USP10: variants seen among roughly 807,000 people sequenced by gnomAD.
USP10 encodes ubiquitin carboxyl-terminal hydrolase 10.
Under a neutral mutation model 84.5 loss-of-function variants are expected in USP10, and 22 were observed. The observed-to-expected ratio is 0.26, with a 90% CI of 0.19 to 0.37. The LOEUF (loss-of-function observed/expected upper bound fraction) is 0.37, where lower values mean the gene tolerates loss of function less well. USP10 is among the 10% of genes least tolerant of loss of function. The pLI is 1.00. For missense variants in USP10, 1,019 were observed against 998.9 expected (o/e 1.02, Z -0.27); for synonymous variants, 454 against 387.6 (o/e 1.17, Z -2.01).
intron 4 of USP10, among the ~76,000 whole-genome samples, chr16:84,757,613 T>A (rs1465148048): frequency 6.6e-6 from 1 of 152,204 alleles, no homozygotes; most frequent in African/African-American, 2.4e-5. Flanking sequence ...ATATACAATT[T>A]GTTTATTTAT....
At chr16:84,753,821 C>T (rs1912213841) in intron 4 of USP10, among the ~76,000 whole-genome samples, 1 of 152,216 alleles carries the variant, frequency 6.6e-6, no homozygotes, top group African/African-American at 2.4e-5. Context: ...TGAGAACTTA[C>T]TGTATGCCAT....
Position 84,759,939 on chromosome 16 carries a change from C to G in USP10, c.1443C>G (p.Pro481=), listed in dbSNP as rs752067983. 35 of 1,613,792 alleles carry G rather than the reference C, an allele frequency of 2.2e-5. No individual in the cohort carries two copies. In the South Asian group the frequency reaches 2.6e-4, roughly 12 times the overall value. The change falls in exon 7 of 14, where the codon CCC becomes CCG. Residue 481 remains proline (P), a synonymous_variant. Transcript: ENST00000219473. ...CTAATATGCCAGTACCTCCAAAACCCCGACAAGGTTAGTAAAAATGAGTTT... is the reference window on the plus strand; with the variant it reads ...CTAATATGCCAGTACCTCCAAAACCGCGACAAGGTTAGTAAAAATGAGTTT... The part of the protein sequence containing the change: ...EFTNMPVPPK[P]RQALGDKIVR...
At chr16:84,702,787 G>A (rs1037451359) in intron 1 of USP10, among the ~76,000 whole-genome samples, 1 of 151,962 alleles carries the variant, frequency 6.6e-6, no homozygotes, top group Non-Finnish European at 1.5e-5. Context: ...GAGGTCAGGG[G>A]TTCGAGATCA....
At chr16:84,723,414 A>G (rs1023752090) in intron 1 of USP10, among the ~76,000 whole-genome samples, 9 of 152,216 alleles carry the variant, frequency 5.9e-5, no homozygotes, top group Admixed American at 2.0e-4. Flanking sequence ...AGAATGAAAG[A>G]TGTACTCCTA....
chr16:84,732,138 C>T (rs1373277006), intron 1 of USP10, among the ~76,000 whole-genome samples: 1 of 152,168 alleles, frequency 6.6e-6, no homozygotes, highest in African/African-American at 2.4e-5. Context: ...CCTGTGCATT[C>T]TTACCAGGAG....
At chr16:84,757,396 G>GGGTGTGTGT (rs1555546425) in intron 4 of USP10, among the ~76,000 whole-genome samples, 1 of 127,436 alleles carries the variant, frequency 7.8e-6, no homozygotes, top group African/African-American at 3.1e-5. Context: ...GAATGAGAGG[G>GGGTGTGTGT]GTGGGGGTGT....
At chr16:84,735,230 TGTGTGTG>T (rs1200904980) in intron 2 of USP10, among the ~76,000 whole-genome samples, 8 of 114,256 alleles carry the variant, frequency 7.0e-5, no homozygotes, top group African/African-American at 2.7e-4. Flanking sequence ...TGTGTGTGTG[TGTGTGTG>T]GTGTGTGTGT....
intron 1 of USP10, among the ~76,000 whole-genome samples, chr16:84,721,175 A>G (rs907767317): frequency 6.6e-6 from 1 of 152,044 alleles, no homozygotes; most frequent in Non-Finnish European, 1.5e-5. Flanking sequence ...TACAGGTGTG[A>G]GCCACCATGC....
chr16:84,752,831 G>A (rs943778790), intron 4 of USP10, among the ~76,000 whole-genome samples: 7 of 152,212 alleles, frequency 4.6e-5, no homozygotes, highest in African/African-American at 9.6e-5. Context: ...CTTAGTGTAC[G>A]TGTGAGATGT....
chr16:84,741,189 A>C (rs546493515), intron 3 of USP10, among the ~76,000 whole-genome samples: 42 of 152,232 alleles, frequency 2.8e-4, no homozygotes, highest in Non-Finnish European at 4.4e-5. Flanking sequence ...CCTTGAAAAG[A>C]CTAACCAAAC....
chr16:84,740,415 C>A, intron 3 of USP10, 46 bp downstream of exon 3: 21 of 1,522,960 alleles, frequency 1.4e-5, no homozygotes, highest in Non-Finnish European at 1.9e-5. Flanking sequence ...TTTGGCCATA[C>A]GTGCTGGGTG....
At chr16:84,753,797 G>T (rs527966257) in intron 4 of USP10, among the ~76,000 whole-genome samples, 1 of 152,218 alleles carries the variant, frequency 6.6e-6, no homozygotes, top group Admixed American at 6.5e-5. Context: ...AATTGATCCT[G>T]TATTACTGTC....
chr16:84,739,283 G>A (rs528197687), intron 2 of USP10, among the ~76,000 whole-genome samples: 1 of 130,750 alleles, frequency 7.6e-6, no homozygotes, highest in East Asian at 2.3e-4. Flanking sequence ...GTTTTGTTTT[G>A]GTTTTTGAGA....
chr16:84,705,602 C>G (rs866214315), intron 1 of USP10, among the ~76,000 whole-genome samples: 1 of 151,694 alleles, frequency 6.6e-6, no homozygotes, highest in African/African-American at 2.4e-5. Context: ...CTCTTTCTTT[C>G]TTCCTGATCT....
intron 12 of USP10, among the ~76,000 whole-genome samples, chr16:84,773,829 T>C (rs900872648): frequency 3.9e-5 from 6 of 152,226 alleles, no homozygotes; most frequent in African/African-American, 1.4e-4. Flanking sequence ...TCCTGCATCT[T>C]CACTCGCCTC....
chr16:84,776,286 G>C (rs1259821619), intron 13 of USP10, among the ~76,000 whole-genome samples: 1 of 152,000 alleles, frequency 6.6e-6, no homozygotes, highest in African/African-American at 2.4e-5. Flanking sequence ...CCCAGGGATG[G>C]GGGCCCAGGG....
intron 3 of USP10, among the ~76,000 whole-genome samples, chr16:84,741,260 G>A (rs74032676): frequency 1.9e-3 from 290 of 152,348 alleles, no homozygotes; most frequent in African/African-American, 6.8e-3. Flanking sequence ...TATAAGAAAT[G>A]TGGGAGACCA....
intron 3 of USP10, among the ~76,000 whole-genome samples, chr16:84,740,717 C>T (rs1265836908): frequency 6.6e-6 from 1 of 152,222 alleles, no homozygotes; most frequent in East Asian, 1.9e-4. Context: ...CCTGCTGGCT[C>T]CAGCGCCAGC....
chr16:84,733,627 G>A, intron 2 of USP10, 124 bp downstream of exon 2: 1 of 624,662 alleles, frequency 1.6e-6, no homozygotes, highest in Non-Finnish European at 2.6e-6. Flanking sequence ...ACTAATATGA[G>A]AAATGCCTCA....
Sources: allele counts gnomAD v4.1 joint callset (sites outside exome capture counted in the v4.1 genomes callset), GRCh38; gene constraint gnomAD v4.1.1; transcripts MANE v1.5; gene names NCBI Gene and HGNC (gene_info 2026-07-23, HGNC 2026-07-21).